BRCA1: variants seen among roughly 807,000 people sequenced by gnomAD.
BRCA1 encodes BRCA1 DNA repair associated, also known as breast cancer type 1 susceptibility protein.
A neutral mutation model predicts 173.7 loss-of-function variants in BRCA1; 140 were observed. That is an observed-to-expected ratio of 0.81 (90% confidence interval 0.70 to 0.93). The LOEUF is 0.93. Ranked by LOEUF, BRCA1 falls within the 40% of genes least tolerant of loss-of-function variation. The pLI, the probability that BRCA1 is intolerant of heterozygous loss-of-function variation, is 0.00. For missense variants in BRCA1, 1,983 were observed against 2,172.5 expected, an observed-to-expected ratio of 0.91 and a Z score of 1.73; for synonymous variants, 662 against 756.0, an observed-to-expected ratio of 0.88 and a Z score of 2.04.
rs1001338618 is a variant in BRCA1 at position 43,044,757 on chromosome 17, A to G, written c.*921T>C. ...TTTAGAACACATTCTTTAGAAATCT[A>G]GCAAATATATCTCAGACTTTTAGAA... On this transcript the variant is annotated 3_prime_UTR_variant, in exon 23 of 23. Transcript: ENST00000357654. The G allele has an allele frequency of 1.4e-5, 7 of 495,226 alleles. No homozygotes were observed. Among genetic ancestry groups the G allele is most frequent in the Non-Finnish European group, 2.8e-5 (7 of 252,996 alleles). 30.7% of individuals were successfully genotyped at this position (495,226 alleles called of 1,614,324 possible). A position where few individuals can be genotyped will look rare whatever the true frequency, so the allele number is the denominator to read the frequency against.
upstream of BRCA1, among the ~76,000 whole-genome samples, chr17:43,127,089 C>T (rs912640066): frequency 5.3e-4 from 81 of 152,214 alleles, no homozygotes; most frequent in African/African-American, 1.8e-3. Flanking sequence ...GCCCGCCATG[C>T]CCGAGCCCCC....
Position 43,044,956 on chromosome 17 carries a change from ACCATGACCGG to A in BRCA1, c.*712_*721del. On this transcript the variant is annotated 3_prime_UTR_variant, in exon 23 of 23. Coordinates refer to ENST00000357654, the MANE Select transcript of BRCA1 (RefSeq NM_007294.4). ...GTAGCTGGGATTACAGGTGTCCACC[ACCATGACCGG>A]CTAATTTCTGTATTTTTAGTAGAGA... 1 of 479,796 alleles carries A rather than the reference ACCATGACCGG, an allele frequency of 2.1e-6. No individual in the cohort carries two copies. The highest frequency in any genetic ancestry group is 2.4e-5 in the Admixed American group (1 of 42,100). The allele number at this position is 479,796 out of a possible 1,614,324, so 29.7% of individuals were successfully genotyped here. A position where few individuals can be genotyped will look rare whatever the true frequency, so the allele number is the denominator to read the frequency against.
At chr17:43,147,380 G>A (rs1373912200) in intron 1 of BRCA1, among the ~76,000 whole-genome samples, 5 of 152,130 alleles carry the variant, frequency 3.3e-5, no homozygotes, top group East Asian at 1.9e-4. Flanking sequence ...TAGTAGAGAC[G>A]GGGTTTCACT....
intron 1 of BRCA1, among the ~76,000 whole-genome samples, chr17:43,158,065 C>G (rs543756541): frequency 6.6e-6 from 1 of 150,800 alleles, no homozygotes; most frequent in South Asian, 2.1e-4. Flanking sequence ...AGAAAACATA[C>G]AATAGTTGAC....
At chr17:43,147,722 A>C (rs1049337191) in intron 1 of BRCA1, among the ~76,000 whole-genome samples, 1 of 152,148 alleles carries the variant, frequency 6.6e-6, no homozygotes, top group African/African-American at 2.4e-5. Context: ...ATAAATAATA[A>C]ATAAATAAAA....
intron 1 of BRCA1, among the ~76,000 whole-genome samples, chr17:43,165,273 C>T (rs1420384314): frequency 6.6e-6 from 1 of 152,118 alleles, no homozygotes; most frequent in African/African-American, 2.4e-5. Flanking sequence ...GTCCAGTTCA[C>T]AGAAAAACTG....
At chr17:43,169,892 A>G (rs2056312197) in intron 1 of BRCA1, 1 of 419,550 alleles carries the variant, frequency 2.4e-6, no homozygotes, top group Non-Finnish European at 4.7e-6. Context: ...CCCCCTCTAC[A>G]CTGCAGATGT....
intron 1 of BRCA1, among the ~76,000 whole-genome samples, chr17:43,135,230 CCT>C (rs1448756336): frequency 1.3e-5 from 2 of 152,240 alleles, no homozygotes; most frequent in Non-Finnish European, 2.9e-5. Flanking sequence ...GTTGCTTCAG[CCT>C]CGGTCCAAAA....
chr17:43,077,977 T>C (rs1375636510), intron 12 of BRCA1, among the ~76,000 whole-genome samples: 1 of 151,130 alleles, frequency 6.6e-6, no homozygotes, highest in East Asian at 2.0e-4. Context: ...TCAGGTGATC[T>C]GCCTGCCTCG....
intron 1 of BRCA1, among the ~76,000 whole-genome samples, chr17:43,131,945 G>A (rs886997590): frequency 6.6e-6 from 1 of 151,934 alleles, no homozygotes; most frequent in Non-Finnish European, 1.5e-5. Flanking sequence ...CACCATGCCT[G>A]GCTAATTTTT....
At chr17:43,168,481 T>C (rs1036147397) in intron 1 of BRCA1, among the ~76,000 whole-genome samples, 9 of 151,868 alleles carry the variant, frequency 5.9e-5, no homozygotes, top group Non-Finnish European at 1.0e-4. Context: ...CTACTAAAAA[T>C]ACAAAAAAAT....
At chr17:43,117,410 C>T (rs1480784904) in intron 2 of BRCA1, among the ~76,000 whole-genome samples, 1 of 152,052 alleles carries the variant, frequency 6.6e-6, no homozygotes, top group African/African-American at 2.4e-5. Context: ...TGCCACTGCA[C>T]TCCAGCCTAG....
intron 18 of BRCA1, among the ~76,000 whole-genome samples, chr17:43,061,347 T>C (rs8176272): frequency 7.5e-4 from 114 of 152,306 alleles, no homozygotes; most frequent in African/African-American, 2.7e-3. Context: ...TCCACTGTTC[T>C]GTATATTTCT....
chr17:43,152,816 C>A (rs1383088343), intron 1 of BRCA1, among the ~76,000 whole-genome samples: 2 of 151,934 alleles, frequency 1.3e-5, no homozygotes, highest in Non-Finnish European at 2.9e-5. Context: ...GATTGCGCCA[C>A]TGTACTCCAG....
intron 4 of BRCA1, among the ~76,000 whole-genome samples, chr17:43,105,735 T>C (rs2054733104): frequency 6.6e-6 from 1 of 152,188 alleles, no homozygotes; most frequent in Non-Finnish European, 1.5e-5. Flanking sequence ...GCCTACTATG[T>C]ACCAAACTTA....
rs144537608 is a variant in BRCA1, at chr17:43,146,883, G to T, written c.-19-22768C>A. ...ATGCCAAGGTTTTGACTCTTGAAAG[G>T]AGCAATTAAGTTTCTCACCCCCTCC... On this transcript the variant is annotated intron_variant, in intron 1 of 7. Coordinates refer to the BRCA1 transcript ENST00000634433. Among the ~76,000 whole-genome samples the T allele has an allele frequency of 1.2e-4, 19 of 152,226 alleles. No homozygotes were observed. In the East Asian group the frequency reaches 3.3e-3, roughly 26 times the overall value.
rs397507196 is a variant in BRCA1, at chr17:43,093,324, T to G, written c.2207A>C (p.Glu736Ala). The G allele has an allele frequency of 3.7e-6, 6 of 1,613,432 alleles. No homozygotes were observed. The highest frequency in any genetic ancestry group is 2.2e-5 in the East Asian group (1 of 44,890). Residue 736 changes from glutamate to alanine, a missense_variant, in exon 10 of 23, where the codon GAA becomes GCA. Transcript: ENST00000357654. The part of the protein sequence containing the change: ...LPREEKEEKL[E>A]TVKVSNNAED... ...AGCATTATTAGACACTTTAACTGTTTCTAGTTTCTCTTCTTTTTCTTCTCT... is the reference window on the plus strand; with the variant it reads ...AGCATTATTAGACACTTTAACTGTTGCTAGTTTCTCTTCTTTTTCTTCTCT...
chr17:43,048,633 A>G (rs1481506072), intron 21 of BRCA1, among the ~76,000 whole-genome samples: 2 of 149,240 alleles, frequency 1.3e-5, no homozygotes, highest in Admixed American at 6.7e-5. Flanking sequence ...TCACACCTCA[A>G]CTTCCCAAAT....
intron 3 of BRCA1, among the ~76,000 whole-genome samples, chr17:43,115,368 G>T (rs896466944): frequency 1.3e-5 from 2 of 152,036 alleles, no homozygotes; most frequent in East Asian, 1.9e-4. Context: ...CAAGCATGGT[G>T]GCGGGTGCCT....
Sources: allele counts gnomAD v4.1 joint callset (sites outside exome capture counted in the v4.1 genomes callset), GRCh38; gene constraint gnomAD v4.1.1; transcripts MANE v1.5; gene names NCBI Gene and HGNC (gene_info 2026-07-23, HGNC 2026-07-21).